Variants in MGRN1 observed in about 807,000 individuals in gnomAD.
MGRN1 encodes the protein mahogunin ring finger 1, also known as E3 ubiquitin-protein ligase MGRN1.
A neutral mutation model predicts 69.2 loss-of-function variants in MGRN1; 29 were observed. That is an observed-to-expected ratio of 0.42 (90% CI 0.31 to 0.57). The LOEUF is 0.57. Ranked by LOEUF, MGRN1 falls within the 20% of genes least tolerant of loss-of-function variation. MGRN1 has a pLI of 0.15. For missense variants in MGRN1, 998 were observed against 796.2 expected, an observed-to-expected ratio of 1.25 and a Z score of -3.05; for synonymous variants, 470 against 344.2, an observed-to-expected ratio of 1.37 and a Z score of -4.04.
chr16:4,635,968 GT>G (rs35561356), intron 1 of MGRN1, among the ~76,000 whole-genome samples: 32 of 141,360 alleles, frequency 2.3e-4, no homozygotes, highest in Non-Finnish European at 2.0e-4. Context: ...TGTATTTTCT[GT>G]TTTTTTTTTT....
intron 3 of MGRN1, 81 bp downstream of exon 3, chr16:4,652,132 A>G (rs1023330347): frequency 7.0e-6 from 10 of 1,421,540 alleles, no homozygotes; most frequent in East Asian, 2.4e-5. Flanking sequence ...ATGCTTGAGG[A>G]AAAGGGCAGG....
chr16:4,672,235 T>C (rs1273693371), intron 9 of MGRN1, among the ~76,000 whole-genome samples: 5 of 151,916 alleles, frequency 3.3e-5, no homozygotes, highest in African/African-American at 4.8e-5. Flanking sequence ...TTAGTAGAGA[T>C]GGGGTTTCAC....
chr16:4,660,152 C>T (rs958006790), intron 5 of MGRN1, among the ~76,000 whole-genome samples: 4 of 152,224 alleles, frequency 2.6e-5, no homozygotes, highest in Admixed American at 6.5e-5. Flanking sequence ...TGGCCTTGCC[C>T]AGGAGCAGAG....
At chr16:4,668,396 C>G in intron 8 of MGRN1, 84 bp downstream of exon 8, 1 of 1,358,730 alleles carries the variant, frequency 7.4e-7, no homozygotes, top group Non-Finnish European at 1.0e-6. Flanking sequence ...TACATAGACA[C>G]ACACTCATAC....
At chr16:4,686,536 T>G in intron 16 of MGRN1, 1 of 1,364,642 alleles carries the variant, frequency 7.3e-7, no homozygotes, top group Non-Finnish European at 9.4e-7. Context: ...TCTCTCCATC[T>G]GGACTAGGCG....
chr16:4,650,555 A>C (rs1233020186), intron 2 of MGRN1, 72 bp downstream of exon 2: 1 of 1,227,946 alleles, frequency 8.1e-7, no homozygotes, highest in Non-Finnish European at 1.1e-6. Flanking sequence ...TCCGCATCCC[A>C]GCCATGAGGG....
intron 8 of MGRN1, among the ~76,000 whole-genome samples, chr16:4,668,619 C>T (rs1265037683): frequency 6.6e-6 from 1 of 151,848 alleles, no homozygotes; most frequent in Non-Finnish European, 1.5e-5. Context: ...CACTCACATG[C>T]AGTCATTCAG....
Position 4,652,076 on chromosome 16 carries a change from C to A in MGRN1, c.296+25C>A, listed in dbSNP as rs553089389. On this transcript the variant is annotated intron_variant, in intron 3 of 16. Coordinates refer to ENST00000262370, the MANE Select transcript of MGRN1 (RefSeq NM_015246.4). ...GGTAACTTCACCCTGCCCCTGGGGA[C>A]CCTGTGGCTCTGTGGGGCGCAGCCT... is the stretch of plus-strand genomic sequence containing the variant. 5 of 1,608,838 alleles carry A rather than the reference C, an allele frequency of 3.1e-6. No homozygotes were observed. The African/African-American group carries it at 5.3e-5, about 17-fold the overall frequency.
At chr16:4,660,178 G>T (rs1428063540) in intron 5 of MGRN1, among the ~76,000 whole-genome samples, 1 of 152,252 alleles carries the variant, frequency 6.6e-6, no homozygotes, top group African/African-American at 2.4e-5. Context: ...ATGTGTGGAG[G>T]GGCTGGGGGC....
chr16:4,676,073 C>G (rs749300413), intron 10 of MGRN1, among the ~76,000 whole-genome samples: 2 of 152,258 alleles, frequency 1.3e-5, no homozygotes, highest in Non-Finnish European at 2.9e-5. Context: ...ACCTCCAAGC[C>G]GGGCGTGGGG....
chr16:4,639,404 G>C (rs1567175812), intron 1 of MGRN1, among the ~76,000 whole-genome samples: 1 of 152,120 alleles, frequency 6.6e-6, no homozygotes, highest in Non-Finnish European at 1.5e-5. Flanking sequence ...AGGGCATGTG[G>C]AATCACTGGT....
intron 9 of MGRN1, chr16:4,672,449 G>C (rs1425485416): frequency 2.2e-6 from 1 of 456,646 alleles, no homozygotes; most frequent in East Asian, 6.9e-5. Flanking sequence ...TCTGGGCCCA[G>C]GACAACTGGA....
intron 6 of MGRN1, 96 bp downstream of exon 6, chr16:4,664,871 C>T: frequency 3.3e-6 from 5 of 1,507,750 alleles, no homozygotes; most frequent in Non-Finnish European, 3.7e-6. Context: ...ATGAAGCAGG[C>T]CAGGCATAGG....
Position 4,674,587 on chromosome 16 carries a change from TTTTC to T in MGRN1, c.955+934_955+937del, listed in dbSNP as rs1219225754. 1.1e-3 allele frequency among the ~76,000 whole-genome samples: 151 copies of T among 139,808 alleles called. 1 individual carries two copies. Among genetic ancestry groups the T allele is most frequent in the African/African-American group, 3.8e-3 (144 of 37,502 alleles). The allele number at this position is 139,808 out of a possible 152,430, so 91.7% of individuals were successfully genotyped here. A position where few individuals can be genotyped will look rare whatever the true frequency, so the allele number is the denominator to read the frequency against. On this transcript the variant is annotated intron_variant, in intron 10 of 16. Transcript: ENST00000262370. ...CAAGCGTGAGCCACCGCTTTTTTTT[TTTTC>T]TTTTCTTTTCTTTTTTTTTCTTTTC...
intron 5 of MGRN1, among the ~76,000 whole-genome samples, chr16:4,663,823 T>TGGGGCCCTG (rs1282646566): frequency 3.3e-5 from 5 of 152,152 alleles, no homozygotes; most frequent in African/African-American, 9.7e-5. Context: ...GGCTGACTGC[T>TGGGGCCCTG]GGGGCCCTGG....
chr16:4,645,053 C>G (rs533234180), intron 1 of MGRN1, among the ~76,000 whole-genome samples: 4 of 150,812 alleles, frequency 2.7e-5, no homozygotes, highest in African/African-American at 7.3e-5. Flanking sequence ...TCACTTATTA[C>G]CTATGCAGGT....
At chr16:4,646,830 T>G (rs916123618) in intron 1 of MGRN1, among the ~76,000 whole-genome samples, 1 of 152,162 alleles carries the variant, frequency 6.6e-6, no homozygotes, top group African/African-American at 2.4e-5. Context: ...GCCTTGAAGG[T>G]GCCCTGGGAG....
At position 4,683,288 on chromosome 16, in the gene MGRN1, G is replaced by A; in HGVS notation, c.1528+19G>A. 6.2e-7 allele frequency: 1 copy of A among 1,613,378 alleles called. No homozygotes were observed. The highest frequency in any genetic ancestry group is 8.5e-7 in the Non-Finnish European group (1 of 1,179,810). On this transcript the variant is annotated intron_variant, in intron 15 of 16. Coordinates refer to ENST00000262370, the MANE Select transcript of MGRN1 (RefSeq NM_015246.4). ...CAGCAAGGTGAGCGCCTCCTTCCAT[G>A]GGCACAAACCGCATGCAGGGACCAG...
In MGRN1 at chr16:4,651,869, A is replaced by G. The variant is rs539151116; in HGVS notation, c.208-94A>G. ...TCCCATGGGACTAGATCCCAGGGAT[A>G]CCCTCTGGGGCTGTGGCTGCTGCAC... On this transcript the variant is annotated intron_variant, in intron 2 of 16. Transcript: ENST00000262370. 386 of 1,084,824 alleles carry G rather than the reference A, an allele frequency of 3.6e-4. 1 individual carries two copies. In the South Asian group the frequency reaches 3.8e-3, roughly 11 times the overall value. 67.2% of individuals were successfully genotyped at this position (1,084,824 alleles called of 1,614,324 possible).
Sources: allele counts gnomAD v4.1 joint callset (sites outside exome capture counted in the v4.1 genomes callset), GRCh38; gene constraint gnomAD v4.1.1; transcripts MANE v1.5; gene names NCBI Gene and HGNC (gene_info 2026-07-23, HGNC 2026-07-21).